The following ANKRD31 variants were observed in gnomAD, a reference collection of about 807,000 sequenced individuals.
ANKRD31 encodes the protein ankyrin repeat domain 31.
ANKRD31 carries 147 observed loss-of-function variants against 186.0 expected under a neutral mutation model. The ratio of observed to expected loss-of-function variants is 0.79; its 90% CI spans 0.69 to 0.91. ANKRD31 has a LOEUF of 0.91. Among genes scored for constraint, ANKRD31 ranks in the 40% least tolerant of loss-of-function variants. ANKRD31 has a pLI of 0.00. For synonymous variants in ANKRD31, 673 were observed against 736.4 expected, an observed-to-expected ratio of 0.91 and a Z score of 1.39; for missense variants, 1,986 against 2,148.8, an observed-to-expected ratio of 0.92 and a Z score of 1.50.
intron 12 of ANKRD31, among the ~76,000 whole-genome samples, chr5:75,150,820 A>G (rs1751788972): frequency 6.6e-6 from 1 of 152,036 alleles, no homozygotes; most frequent in South Asian, 2.1e-4. Context: ...TTAAAAATAT[A>G]CTTTTGCCTC....
intron 22 of ANKRD31, among the ~76,000 whole-genome samples, chr5:75,096,304 T>G (rs947405434): frequency 2.0e-5 from 3 of 152,236 alleles, no homozygotes; most frequent in African/African-American, 7.2e-5. Context: ...GTTGGCCACA[T>G]GAATGTCTTC....
At chr5:75,220,816 C>T (rs1036618421) in intron 3 of ANKRD31, among the ~76,000 whole-genome samples, 5 of 151,978 alleles carry the variant, frequency 3.3e-5, no homozygotes, top group African/African-American at 1.2e-4. Flanking sequence ...TAAAGAATAA[C>T]AGGCCAGGTG....
chr5:75,127,175 A>G (rs1267000362), intron 17 of ANKRD31, among the ~76,000 whole-genome samples: 1 of 133,740 alleles, frequency 7.5e-6, no homozygotes, highest in East Asian at 2.2e-4. Context: ...GCAAAGTGAG[A>G]CTCCATCTCA....
intron 11 of ANKRD31, among the ~76,000 whole-genome samples, chr5:75,157,915 G>T (rs533773916): frequency 5.3e-5 from 8 of 152,260 alleles, no homozygotes; most frequent in Non-Finnish European, 8.8e-5. Flanking sequence ...CCCTTCAAAA[G>T]AAAAGAAAAC....
Position 75,068,677 on chromosome 5 carries a change from G to T in ANKRD31, c.5648-13C>A, listed in dbSNP as rs751674354. ...TCTCTGGAAGTTCCTGTTTAAAGAA[G>T]TATCAACAAATTAAAAACTGCCCTC... On this transcript the variant is annotated splice_polypyrimidine_tract_variant and intron_variant, in intron 25 of 25. Transcript: ENST00000506364. The T allele has an allele frequency of 6.2e-6, 9 of 1,462,580 alleles. No homozygotes were observed. The highest frequency in any genetic ancestry group is 6.3e-6 in the Non-Finnish European group (7 of 1,113,434). 90.6% of individuals were successfully genotyped at this position (1,462,580 alleles called of 1,614,324 possible).
intron 24 of ANKRD31, 111 bp from the exon 25 acceptor site, chr5:75,080,750 G>A: frequency 3.7e-6 from 2 of 545,284 alleles, no homozygotes; most frequent in African/African-American, 1.9e-5. Flanking sequence ...GCTCTTCCTT[G>A]ACATTTTAGG....
chr5:75,160,734 A>C (rs1394259028), intron 11 of ANKRD31, among the ~76,000 whole-genome samples: 1 of 152,142 alleles, frequency 6.6e-6, no homozygotes, highest in Non-Finnish European at 1.5e-5. Flanking sequence ...CATAATCCCC[A>C]CATGTTGCGG....
intron 20 of ANKRD31, among the ~76,000 whole-genome samples, chr5:75,108,192 T>C (rs1268707630): frequency 6.6e-6 from 1 of 151,914 alleles, no homozygotes; most frequent in Non-Finnish European, 1.5e-5. Flanking sequence ...TTATACATTA[T>C]ATGCACTTAA....
At chr5:75,130,379 G>C (rs953949047) in intron 17 of ANKRD31, among the ~76,000 whole-genome samples, 1 of 152,240 alleles carries the variant, frequency 6.6e-6, no homozygotes, top group South Asian at 2.1e-4. Context: ...GTGGGTTGCT[G>C]TTGCTGGCTC....
At chr5:75,228,121 T>C (rs1180027601) in intron 2 of ANKRD31, among the ~76,000 whole-genome samples, 6 of 152,230 alleles carry the variant, frequency 3.9e-5, no homozygotes, top group Non-Finnish European at 8.8e-5. Context: ...TTTGTTTTAC[T>C]ATATGGCCAT....
At chr5:75,137,265 A>C (rs910242222) in intron 17 of ANKRD31, among the ~76,000 whole-genome samples, 17 of 152,320 alleles carry the variant, frequency 1.1e-4, no homozygotes, top group East Asian at 7.7e-4. Context: ...GATAACAATA[A>C]GGGTTTTCTC....
chr5:75,088,915 A>G (rs1471866649), intron 23 of ANKRD31, among the ~76,000 whole-genome samples: 1 of 152,226 alleles, frequency 6.6e-6, no homozygotes, highest in South Asian at 2.1e-4. Flanking sequence ...TATTTTATAC[A>G]TAAGAAAGCT....
chr5:75,165,220 C>T (rs964188450), intron 11 of ANKRD31, among the ~76,000 whole-genome samples: 2 of 152,150 alleles, frequency 1.3e-5, no homozygotes, highest in African/African-American at 4.8e-5. Flanking sequence ...CTAAACACTG[C>T]TTGTCCCAAG....
At chr5:75,159,980 A>C (rs1752462694) in intron 11 of ANKRD31, among the ~76,000 whole-genome samples, 1 of 152,102 alleles carries the variant, frequency 6.6e-6, no homozygotes, top group African/African-American at 2.4e-5. Flanking sequence ...GCTGAATTGG[A>C]GTAAAACAAT....
At chr5:75,117,668 C>A (rs973111231) in intron 18 of ANKRD31, among the ~76,000 whole-genome samples, 5 of 152,036 alleles carry the variant, frequency 3.3e-5, no homozygotes, top group African/African-American at 1.2e-4. Flanking sequence ...TCCCTCCCCT[C>A]AATACTTAAT....
At chr5:75,092,599 C>G (rs1746006075) in intron 22 of ANKRD31, among the ~76,000 whole-genome samples, 1 of 152,096 alleles carries the variant, frequency 6.6e-6, no homozygotes, top group South Asian at 2.1e-4. Context: ...AGTAATTAAA[C>G]AAACAAGCAA....
intron 25 of ANKRD31, among the ~76,000 whole-genome samples, chr5:75,069,265 A>G (rs896967881): frequency 8.8e-6 from 1 of 113,488 alleles, no homozygotes; most frequent in African/African-American, 5.0e-5. Flanking sequence ...GCTCCCTGAC[A>G]GTCTGAGAGA....
At chr5:75,094,988 C>G (rs1312002061) in intron 22 of ANKRD31, among the ~76,000 whole-genome samples, 1 of 151,808 alleles carries the variant, frequency 6.6e-6, no homozygotes, top group East Asian at 1.9e-4. Flanking sequence ...GAAGATATAA[C>G]AATTATAAAC....
chr5:75,112,095 C>A (rs577608126), intron 20 of ANKRD31, among the ~76,000 whole-genome samples: 2 of 152,212 alleles, frequency 1.3e-5, no homozygotes, highest in East Asian at 3.9e-4. Context: ...ACTCATCCAA[C>A]ACTTTGCATC....
Sources: gnomAD v4.1 joint callset for allele counts (sites outside exome capture counted in the v4.1 genomes callset) on GRCh38, gnomAD v4.1.1 for gene constraint, MANE v1.5 for transcripts, NCBI Gene and HGNC (gene_info 2026-07-23, HGNC 2026-07-21) for gene names.